FKTN: variants seen among roughly 807,000 people sequenced by gnomAD.
FKTN encodes the protein ribitol-5-phosphate transferase FKTN.
A neutral mutation model predicts 58.6 loss-of-function variants in FKTN; 47 were observed. The observed-to-expected ratio is 0.80, with a 90% confidence interval of 0.63 to 1.02. The LOEUF (loss-of-function observed/expected upper bound fraction) is 1.02, where lower values mean the gene tolerates loss of function less well. Among genes scored for constraint, FKTN ranks in the 50% least tolerant of loss-of-function variants. The probability of loss-of-function intolerance (pLI) is 0.00; values close to 1 mark genes in which losing one functional copy is unlikely to be tolerated. For synonymous variants in FKTN, 178 were observed against 191.9 expected, an observed-to-expected ratio of 0.93 and a Z score of 0.60; for missense variants, 516 against 537.3, an observed-to-expected ratio of 0.96 and a Z score of 0.39.
intron 3 of FKTN, among the ~76,000 whole-genome samples, chr9:105,592,710 T>A (rs757592623): frequency 1.3e-4 from 20 of 152,152 alleles, no homozygotes; most frequent in Non-Finnish European, 2.6e-4. Context: ...GTTTCACAGA[T>A]CTCTAGGGCC....
At chr9:105,632,399 C>T (rs913893684) in intron 10 of FKTN, among the ~76,000 whole-genome samples, 1 of 140,906 alleles carries the variant, frequency 7.1e-6, no homozygotes, top group African/African-American at 2.7e-5. Flanking sequence ...GCACATGTAC[C>T]CTAAAACTTA....
In FKTN at chr9:105,627,060, C is replaced by T. The variant is rs143058154; in HGVS notation, c.1172+6999C>T. On this transcript the variant is annotated intron_variant, in intron 10 of 10. Coordinates refer to ENST00000357998, the MANE Select transcript of FKTN (RefSeq NM_001079802.2). The stretch of plus-strand genomic sequence containing the variant: ...TGATCTTGGCTCACTGCAACCTCCA[C>T]CTCCCAGGTTCAAGCAGTTCTCATG... Among the ~76,000 whole-genome samples the T allele has an allele frequency of 3.2e-4, 48 of 151,466 alleles. 1 individual carries two copies. Among genetic ancestry groups the T allele is most frequent in the African/African-American group, 1.1e-3 (47 of 41,148 alleles).
chr9:105,615,448 T>C (rs1309552211), intron 8 of FKTN, 41 bp downstream of exon 8: 1 of 1,606,664 alleles, frequency 6.2e-7, no homozygotes, highest in Non-Finnish European at 8.5e-7. Context: ...TCTGTCATTT[T>C]GTCCTCTGGC....
intron 4 of FKTN, 129 bp from the exon 5 acceptor site, chr9:105,601,016 A>G: frequency 3.1e-6 from 2 of 636,258 alleles, no homozygotes; most frequent in South Asian, 3.7e-5. Flanking sequence ...ATTTTTTAGC[A>G]CAATGATAAG....
chr9:105,581,335 A>C (rs1000876575), intron 3 of FKTN, among the ~76,000 whole-genome samples: 1 of 147,544 alleles, frequency 6.8e-6, no homozygotes, highest in African/African-American at 2.6e-5. Context: ...TGATGTACAG[A>C]TGGGTTTTCG....
chr9:105,596,653 A>G lies in FKTN; in HGVS notation c.161A>G (p.Gln54Arg). 6.2e-7 allele frequency: 1 copy of G among 1,602,632 alleles called. No homozygotes were observed. Among genetic ancestry groups the G allele is most frequent in the Middle Eastern group, 1.7e-4 (1 of 5,928 alleles). The change falls in exon 4 of 11, where the codon CAG (glutamine) becomes CGG (arginine). Residue 54 changes from glutamine to arginine, a missense_variant. By Grantham distance (43) the Gln-to-Arg change is conservative. Transcript: ENST00000357998. ...KGSRIGFDST[Q>R]WRAVKKFIML... ...AGCCGAATTGGATTTGATAGCACAC[A>G]GTGGGTATGTAGAATAAACAAGAAA...
chr9:105,633,397 C>T (rs1234316018), intron 10 of FKTN: 1 of 152,116 alleles, frequency 6.6e-6, no homozygotes, highest in Non-Finnish European at 1.5e-5. Context: ...AGAGGAGTTT[C>T]CTGGCCTGTA....
intron 3 of FKTN, among the ~76,000 whole-genome samples, chr9:105,596,080 G>A (rs1203603067): frequency 6.6e-6 from 1 of 152,114 alleles, no homozygotes; most frequent in Admixed American, 6.6e-5. Context: ...CGTGCATACT[G>A]GTGCTATCTG....
At chr9:105,563,674 C>T (rs1013761110) in intron 1 of FKTN, among the ~76,000 whole-genome samples, 2 of 152,116 alleles carry the variant, frequency 1.3e-5, no homozygotes, top group African/African-American at 4.8e-5. Context: ...CTGGGTGGAG[C>T]CCACCACAGC....
At chr9:105,605,796 ATAGT>A (rs891206733) in intron 6 of FKTN, among the ~76,000 whole-genome samples, 3 of 152,158 alleles carry the variant, frequency 2.0e-5, no homozygotes, top group African/African-American at 4.8e-5. Context: ...GTACAAAAAA[ATAGT>A]TAGAAATAAT....
intron 4 of FKTN, among the ~76,000 whole-genome samples, chr9:105,599,193 A>C (rs1827378626): frequency 6.6e-6 from 1 of 152,168 alleles, no homozygotes; most frequent in Non-Finnish European, 1.5e-5. Context: ...TAAATCATGA[A>C]TAGATACTGA....
At chr9:105,576,883 CATT>C (rs1402969248) in intron 3 of FKTN, among the ~76,000 whole-genome samples, 1 of 105,188 alleles carries the variant, frequency 9.5e-6, no homozygotes, top group Non-Finnish European at 1.9e-5. Flanking sequence ...GATGGTATCT[CATT>C]GTGGTTTTGA....
chr9:105,578,935 T>C (rs1482744893), intron 3 of FKTN, among the ~76,000 whole-genome samples: 2 of 152,120 alleles, frequency 1.3e-5, no homozygotes, highest in African/African-American at 4.8e-5. Context: ...CCATTTCTTC[T>C]AGATTTTCTA....
chr9:105,569,950 T>C (rs1840446320), intron 1 of FKTN, among the ~76,000 whole-genome samples: 1 of 152,160 alleles, frequency 6.6e-6, no homozygotes, highest in African/African-American at 2.4e-5. Context: ...AAATGAATGC[T>C]ATCCTCCCTA....
rs557096550 is a variant in FKTN, at chr9:105,598,084, A to G, written c.165+1427A>G. On this transcript the variant is annotated intron_variant, in intron 4 of 10. Transcript: ENST00000357998. ...AGCGTGACTCTATCCTTTTCATTCA[A>G]GAAATGATCCTTGAGGTGGGAGAAA... The G allele has an allele frequency of 7.8e-5, 36 of 460,580 alleles. 1 individual carries two copies. Among genetic ancestry groups the G allele is most frequent in the South Asian group, 5.7e-4 (35 of 61,900 alleles). 28.5% of individuals were successfully genotyped at this position (460,580 alleles called of 1,614,324 possible).
chr9:105,639,210 G>T lies in FKTN; in HGVS notation c.*3946G>T, dbSNP rs1185392627. 1 of 985,156 alleles carries T rather than the reference G, an allele frequency of 1.0e-6. No homozygotes were observed. The highest frequency in any genetic ancestry group is 1.7e-5 in the African/African-American group (1 of 57,206). The allele number at this position is 985,156 out of a possible 1,614,324, so 61.0% of individuals were successfully genotyped here. On this transcript the variant is annotated 3_prime_UTR_variant, in exon 11 of 11. Coordinates refer to ENST00000357998, the MANE Select transcript of FKTN (RefSeq NM_001079802.2). ...AACTTCAGTTACTGACCAGTCAAGA[G>T]AATTTCTCAAGAAAAATCCCAGCAA...
chr9:105,613,189 G>A (rs1830233902), intron 7 of FKTN, among the ~76,000 whole-genome samples: 1 of 152,220 alleles, frequency 6.6e-6, no homozygotes, highest in Admixed American at 6.5e-5. Flanking sequence ...GTTTCAAGAT[G>A]TCAGTTACAT....
chr9:105,565,546 CAAAG>C (rs1208183427), intron 1 of FKTN, among the ~76,000 whole-genome samples: 4 of 151,812 alleles, frequency 2.6e-5, no homozygotes, highest in Non-Finnish European at 2.9e-5. Flanking sequence ...TCAAAAGAGA[CAAAG>C]AAGGCCATTA....
chr9:105,621,366 T>C (rs1020709374), intron 10 of FKTN, among the ~76,000 whole-genome samples: 12 of 152,168 alleles, frequency 7.9e-5, no homozygotes, highest in Admixed American at 6.5e-4. Context: ...GAAAATGTAG[T>C]ATTTTTAACA....
Sources: gnomAD v4.1 joint callset for allele counts (sites outside exome capture counted in the v4.1 genomes callset) on GRCh38, gnomAD v4.1.1 for gene constraint, MANE v1.5 for transcripts, NCBI Gene and HGNC (gene_info 2026-07-23, HGNC 2026-07-21) for gene names.